WDR25: variants seen among roughly 807,000 people sequenced by gnomAD.
The protein encoded by WDR25 is WD repeat-containing protein 25.
A neutral mutation model predicts 47.7 loss-of-function variants in WDR25; 35 were observed. That is an observed-to-expected ratio of 0.73 (90% CI 0.56 to 0.97). WDR25 has a LOEUF of 0.97. Ranked by LOEUF, WDR25 falls within the 50% of genes least tolerant of loss-of-function variation. The probability of loss-of-function intolerance (pLI) is 0.00; values close to 1 mark genes in which losing one functional copy is unlikely to be tolerated. For missense variants in WDR25, 634 were observed against 704.7 expected, an observed-to-expected ratio of 0.90 and a Z score of 1.14; for synonymous variants, 248 against 278.9, an observed-to-expected ratio of 0.89 and a Z score of 1.10.
At chr14:100,389,492 C>G (rs531708666) in intron 2 of WDR25, among the ~76,000 whole-genome samples, 10 of 152,270 alleles carry the variant, frequency 6.6e-5, no homozygotes, top group African/African-American at 2.2e-4. Flanking sequence ...GAACACAGCT[C>G]TCATGCGGAC....
chr14:100,415,096 T>C (rs1429289624), intron 2 of WDR25, among the ~76,000 whole-genome samples: 2 of 151,984 alleles, frequency 1.3e-5, no homozygotes, highest in Admixed American at 6.6e-5. Flanking sequence ...ACAGGATGAC[T>C]GAAGCTTGGT....
intron 2 of WDR25, among the ~76,000 whole-genome samples, chr14:100,397,764 A>G (rs1897291677): frequency 1.3e-5 from 2 of 152,250 alleles, no homozygotes; most frequent in Admixed American, 6.5e-5. Flanking sequence ...GCATGCTGCC[A>G]TCAGCAAACT....
intron 2 of WDR25, among the ~76,000 whole-genome samples, chr14:100,405,005 C>T (rs149566182): frequency 2.5e-4 from 38 of 152,198 alleles, no homozygotes; most frequent in African/African-American, 8.7e-4. Context: ...TCCTCTTGCC[C>T]CCACCTCAGA....
chr14:100,449,962 T>C lies in WDR25; in HGVS notation c.823-18059T>C, dbSNP rs1898969133. On this transcript the variant is annotated intron_variant, in intron 2 of 6. Coordinates refer to ENST00000402312, the MANE Select transcript of WDR25 (RefSeq NM_001161476.3). The surrounding 1 kb of genome is among the most constrained non-coding windows in gnomAD (Gnocchi z 4.2). ...CACCTGTAAGTCCCAGTGATTCTTC[T>C]CTAAACTGGGCATTCAGTGCGTCCA... Among the ~76,000 whole-genome samples, 3 of 152,186 alleles carry C rather than the reference T, an allele frequency of 2.0e-5. No individual in the cohort carries two copies. Among genetic ancestry groups the C allele is most frequent in the African/African-American group, 7.2e-5 (3 of 41,436 alleles).
intron 4 of WDR25, among the ~76,000 whole-genome samples, chr14:100,515,918 G>A: frequency 6.7e-6 from 1 of 150,146 alleles, no homozygotes; most frequent in East Asian, 2.0e-4. Flanking sequence ...TATTACAGAT[G>A]TGAGCCACCA....
Position 100,392,661 on chromosome 14 carries a change from C to T in WDR25, c.822+10915C>T, listed in dbSNP as rs150340591. Among the ~76,000 whole-genome samples the T allele has an allele frequency of 6.3e-4, 96 of 152,262 alleles. No homozygotes were observed. Among genetic ancestry groups the T allele is most frequent in the Non-Finnish European group, 1.0e-3 (69 of 68,032 alleles). On this transcript the variant is annotated intron_variant, in intron 2 of 6. Transcript: ENST00000402312. This position sits in a 1 kb window ranked among gnomAD's most constrained non-coding sequence, Gnocchi z 4.2. ...TAACATTCTCTCCCAGCCCTGCCCGCGCCACACTGTGCCACCAGCCGCCTC... is the reference window on the plus strand; with the variant it reads ...TAACATTCTCTCCCAGCCCTGCCCGTGCCACACTGTGCCACCAGCCGCCTC...
chr14:100,441,606 G>A (rs547093000), intron 2 of WDR25, among the ~76,000 whole-genome samples: 16 of 152,166 alleles, frequency 1.1e-4, no homozygotes, highest in Non-Finnish European at 1.9e-4. Flanking sequence ...ATGGGCTGGG[G>A]GCCACATGGA....
intron 1 of WDR25, among the ~76,000 whole-genome samples, chr14:100,377,385 C>T (rs1896729256): frequency 6.6e-6 from 1 of 152,104 alleles, no homozygotes; most frequent in African/African-American, 2.4e-5. Context: ...CCGCAACCTC[C>T]GCCTCCCGGG....
rs578092426 is a variant in WDR25, at chr14:100,494,773, G to A, written c.1101+10649G>A. On this transcript the variant is annotated intron_variant, in intron 4 of 6. Coordinates refer to ENST00000402312, the MANE Select transcript of WDR25 (RefSeq NM_001161476.3). Reference sequence around the variant, plus strand: ...TTCCCTTCTCCCATGTGGAAGGCGGGAGCCAGTGGCGGTTGGGTATTCCCC... The same window carrying A: ...TTCCCTTCTCCCATGTGGAAGGCGGAAGCCAGTGGCGGTTGGGTATTCCCC... Among the ~76,000 whole-genome samples, 213 of 152,330 alleles carry A rather than the reference G, an allele frequency of 1.4e-3. 1 individual carries two copies. The highest frequency in any genetic ancestry group is 4.9e-3 in the African/African-American group (205 of 41,566).
intron 2 of WDR25, among the ~76,000 whole-genome samples, chr14:100,455,733 G>A (rs1054955079): frequency 6.6e-6 from 1 of 152,202 alleles, no homozygotes; most frequent in African/African-American, 2.4e-5. Context: ...GGAGTCTAGA[G>A]ACAATGGAAT....
At chr14:100,489,641 T>G (rs1900497647) in intron 4 of WDR25, among the ~76,000 whole-genome samples, 1 of 152,174 alleles carries the variant, frequency 6.6e-6, no homozygotes, top group South Asian at 2.1e-4. Flanking sequence ...CTGGAAAATC[T>G]AGGACATGTG....
At chr14:100,389,000 G>A (rs781197193) in intron 2 of WDR25, among the ~76,000 whole-genome samples, 7 of 152,174 alleles carry the variant, frequency 4.6e-5, no homozygotes, top group South Asian at 2.1e-4. Flanking sequence ...CAAAATTGGC[G>A]CACTTAGGAG....
intron 2 of WDR25, among the ~76,000 whole-genome samples, chr14:100,434,631 A>G (rs1001741217): frequency 6.6e-6 from 1 of 151,914 alleles, no homozygotes; most frequent in African/African-American, 2.4e-5. Flanking sequence ...AATCTTAGGG[A>G]TTTTCTCTTC....
At chr14:100,511,317 T>C (rs1179065191) in intron 4 of WDR25, among the ~76,000 whole-genome samples, 1 of 152,222 alleles carries the variant, frequency 6.6e-6, no homozygotes, top group African/African-American at 2.4e-5. Flanking sequence ...AAATTTCAGC[T>C]TCTGGTTGCT....
At chr14:100,484,463 GGT>G (rs5810998) in intron 4 of WDR25, among the ~76,000 whole-genome samples, 101,296 of 150,148 alleles carry the variant, frequency 0.67, 34,636 homozygotes, top group African/African-American at 0.79. Context: ...ACAGAGAATT[GGT>G]GTGTGTGTGT....
At chr14:100,434,083 A>G (rs1380633345) in intron 2 of WDR25, among the ~76,000 whole-genome samples, 2 of 152,178 alleles carry the variant, frequency 1.3e-5, no homozygotes, top group African/African-American at 2.4e-5. Context: ...GAAAAGAAAA[A>G]AAAACCAGAG....
At chr14:100,474,975 C>T (rs1307412418) in intron 3 of WDR25, among the ~76,000 whole-genome samples, 7 of 152,116 alleles carry the variant, frequency 4.6e-5, no homozygotes, top group Admixed American at 4.6e-4. Flanking sequence ...TTAAAATGAG[C>T]AAAGGATCTG....
chr14:100,519,087 G>C (rs536400518), intron 4 of WDR25, among the ~76,000 whole-genome samples: 1 of 152,242 alleles, frequency 6.6e-6, no homozygotes, highest in East Asian at 1.9e-4. Flanking sequence ...TCAACAGCAG[G>C]AGTTAAAACA....
intron 4 of WDR25, among the ~76,000 whole-genome samples, chr14:100,494,965 T>C (rs1441612278): frequency 6.6e-6 from 1 of 151,742 alleles, no homozygotes; most frequent in Non-Finnish European, 1.5e-5. Flanking sequence ...CATAGCGAGA[T>C]CATGACTCTA....
Sources: allele counts gnomAD v4.1 joint callset (sites outside exome capture counted in the v4.1 genomes callset), GRCh38; gene constraint gnomAD v4.1.1; non-coding constraint Gnocchi (gnomAD v3.1); transcripts MANE v1.5; gene names NCBI Gene and HGNC (gene_info 2026-07-23, HGNC 2026-07-21).